Variants in ATF7IP observed in about 807,000 individuals in gnomAD.
The protein encoded by ATF7IP is activating transcription factor 7-interacting protein 1.
Under a neutral mutation model 106.4 loss-of-function variants are expected in ATF7IP, and 23 were observed. The observed-to-expected ratio is 0.22, with a 90% CI of 0.16 to 0.31. The LOEUF is 0.31. Ranked by LOEUF, ATF7IP falls within the 10% of genes least tolerant of loss-of-function variation. The pLI is 1.00. For missense variants in ATF7IP, 1,334 were observed against 1,524.3 expected (o/e 0.88, Z 2.08); for synonymous variants, 542 against 539.0 (o/e 1.01, Z -0.08).
chr12:14,474,403 A>ATT (rs764191499), intron 10 of ATF7IP, among the ~76,000 whole-genome samples: 8 of 129,044 alleles, frequency 6.2e-5, no homozygotes, highest in South Asian at 2.5e-4. Context: ...AATTCTTTGA[A>ATT]TTTTTTTTTT....
chr12:14,433,760 A>G (rs1942262140), intron 2 of ATF7IP, among the ~76,000 whole-genome samples: 1 of 152,118 alleles, frequency 6.6e-6, no homozygotes. Context: ...GTGAGATTAT[A>G]TTGTGGCCAT....
At position 14,425,273 on chromosome 12, in the gene ATF7IP, C is replaced by G; in HGVS notation, c.1358C>G (p.Ser453Cys). 1 of 1,597,566 alleles carries G rather than the reference C, an allele frequency of 6.3e-7. No homozygotes were observed. The highest frequency in any genetic ancestry group is 8.5e-7 in the Non-Finnish European group (1 of 1,174,498). ...APSEDELTCF[S>C]KTSLLPIDET... ...TCTGAGGATGAACTTACTTGCTTTT[C>G]TAAAACATCTCTCCTTCCAATCGAT... Residue 453 changes from serine (S) to cysteine (C), a missense_variant, in exon 2 of 15, where the codon TCT (serine) becomes TGT (cysteine). Around this residue, in one of 10 missense-constraint regions of ATF7IP, gnomAD observed 41 missense variants for 60.4 expected, o/e 0.68. Coordinates refer to ENST00000261168, the MANE Select transcript of ATF7IP (RefSeq NM_018179.5).
At chr12:14,453,676 G>A (rs73306105) in intron 6 of ATF7IP, among the ~76,000 whole-genome samples, 318 of 151,870 alleles carry the variant, frequency 2.1e-3, no homozygotes, top group African/African-American at 7.0e-3. Flanking sequence ...CCAGGCTGGA[G>A]TGTAACGGCG....
chr12:14,465,149 G>A (rs1047085184), intron 9 of ATF7IP, among the ~76,000 whole-genome samples: 4 of 152,102 alleles, frequency 2.6e-5, no homozygotes, highest in African/African-American at 9.7e-5. Flanking sequence ...GGGAGATGGA[G>A]GTTGCAGTGA....
chr12:14,372,695 A>G (rs1938578273), intron 1 of ATF7IP, among the ~76,000 whole-genome samples: 1 of 152,040 alleles, frequency 6.6e-6, no homozygotes, highest in Admixed American at 6.6e-5. Context: ...TATTTGGGAG[A>G]GAGGACCCCT....
At chr12:14,439,032 G>T in intron 5 of ATF7IP, among the ~76,000 whole-genome samples, 1 of 152,150 alleles carries the variant, frequency 6.6e-6, no homozygotes, top group South Asian at 2.1e-4. Flanking sequence ...TTAATAACAC[G>T]TATTTATTAA....
intron 13 of ATF7IP, among the ~76,000 whole-genome samples, chr12:14,488,343 T>C (rs987219307): frequency 6.6e-5 from 10 of 152,108 alleles, no homozygotes; most frequent in African/African-American, 2.4e-4. Flanking sequence ...CAAGGAAAGC[T>C]AGTCTGACAC....
intron 5 of ATF7IP, among the ~76,000 whole-genome samples, chr12:14,445,146 A>G (rs991453479): frequency 2.0e-5 from 3 of 151,570 alleles, no homozygotes; most frequent in African/African-American, 7.3e-5. Context: ...GCGCGCCACC[A>G]CGCCTGGCTA....
intron 1 of ATF7IP, among the ~76,000 whole-genome samples, chr12:14,376,553 T>C (rs1338879731): frequency 2.0e-5 from 3 of 152,220 alleles, no homozygotes; most frequent in Non-Finnish European, 2.9e-5. Context: ...TGAACTGCTA[T>C]AATTGACTTA....
At chr12:14,427,959 T>C (rs1391658536) in intron 2 of ATF7IP, among the ~76,000 whole-genome samples, 1 of 152,088 alleles carries the variant, frequency 6.6e-6, no homozygotes, top group Non-Finnish European at 1.5e-5. Flanking sequence ...GTTATAATGC[T>C]AAAGCTTTAT....
At chr12:14,397,233 C>T (rs1939901834) in intron 1 of ATF7IP, among the ~76,000 whole-genome samples, 1 of 152,096 alleles carries the variant, frequency 6.6e-6, no homozygotes, top group South Asian at 2.1e-4. Context: ...GGTATATAGT[C>T]TTTGAGGCTA....
At chr12:14,465,031 C>A (rs996555757) in intron 9 of ATF7IP, among the ~76,000 whole-genome samples, 1 of 152,064 alleles carries the variant, frequency 6.6e-6, no homozygotes, top group African/African-American at 2.4e-5. Context: ...GCCTGGCCAG[C>A]ATGATGAAAG....
chr12:14,475,815 C>T, intron 10 of ATF7IP, 75 bp from the exon 11 acceptor site: 1 of 1,184,572 alleles, frequency 8.4e-7, no homozygotes, highest in Non-Finnish European at 1.2e-6. Flanking sequence ...CATTTTACCT[C>T]ACTTATCATC....
intron 1 of ATF7IP, chr12:14,367,307 T>C (rs10845987): frequency 0.41 from 61,775 of 151,934 alleles, 13,268 homozygotes; most frequent in East Asian, 0.6. Flanking sequence ...GTAATACTTT[T>C]GGTTGGTGGA....
At chr12:14,383,889 T>C (rs1045614495) in intron 1 of ATF7IP, among the ~76,000 whole-genome samples, 26 of 152,190 alleles carry the variant, frequency 1.7e-4, no homozygotes, top group African/African-American at 4.6e-4. Flanking sequence ...GAATAGTCTT[T>C]GCTTGAGAAT....
At position 14,426,788 on chromosome 12, in the gene ATF7IP, T is replaced by C. The variant is rs553159625; in HGVS notation, c.1558+1315T>C. On this transcript the variant is annotated intron_variant, in intron 2 of 14. Coordinates refer to ENST00000261168, the MANE Select transcript of ATF7IP (RefSeq NM_018179.5). ...CTGCAGTGAGCCGAGATCGCGCCAC[T>C]ACTCCAGCCTGGGTGACAAAGTAAG... Among the ~76,000 whole-genome samples the C allele has an allele frequency of 2.4e-3, 276 of 115,200 alleles. 1 individual carries two copies. Among genetic ancestry groups the C allele is most frequent in the Admixed American group, 3.9e-3 (32 of 8,138 alleles). The allele number at this position is 115,200 out of a possible 152,430, so 75.6% of individuals were successfully genotyped here.
At chr12:14,473,981 T>C (rs1329575480) in intron 10 of ATF7IP, among the ~76,000 whole-genome samples, 1 of 152,078 alleles carries the variant, frequency 6.6e-6, no homozygotes, top group Non-Finnish European at 1.5e-5. Context: ...CTATGATGTG[T>C]ATAGTTATGA....
At chr12:14,384,170 C>G (rs948293029) in intron 1 of ATF7IP, among the ~76,000 whole-genome samples, 4 of 152,162 alleles carry the variant, frequency 2.6e-5, no homozygotes, top group African/African-American at 9.7e-5. Flanking sequence ...ATCCCTATTA[C>G]TCCCCTATAC....
intron 2 of ATF7IP, among the ~76,000 whole-genome samples, chr12:14,430,919 G>A (rs530690993): frequency 6.6e-6 from 1 of 152,300 alleles, no homozygotes; most frequent in South Asian, 2.1e-4. Flanking sequence ...GTCAGACAGA[G>A]GTCATGTGGC....
Sources: gnomAD v4.1 joint callset for allele counts (sites outside exome capture counted in the v4.1 genomes callset) on GRCh38, gnomAD v4.1.1 for gene constraint, gnomAD v4.1.1 regional missense constraint, MANE v1.5 for transcripts, NCBI Gene and HGNC (gene_info 2026-07-23, HGNC 2026-07-21) for gene names.